The following TOP1 variants were observed in gnomAD, a reference collection of about 807,000 sequenced individuals.
TOP1 encodes the protein DNA topoisomerase 1.
Under a neutral mutation model 111.1 loss-of-function variants are expected in TOP1, and 10 were observed. The observed-to-expected ratio is 0.09, with a 90% CI of 0.06 to 0.15. The LOEUF is 0.15. Among genes scored for constraint, TOP1 ranks in the 10% least tolerant of loss-of-function variants. TOP1 has a pLI of 1.00. For synonymous variants in TOP1, 271 were observed against 302.9 expected (o/e 0.89, Z 1.10); for missense variants, 474 against 926.7 (o/e 0.51, Z 6.34).
chr20:41,088,358 T>C (rs1037136256), intron 8 of TOP1, among the ~76,000 whole-genome samples: 1 of 151,800 alleles, frequency 6.6e-6, no homozygotes. Context: ...CAAAATTAGC[T>C]GGGCGTGGTG....
Position 41,089,078 on chromosome 20 carries a change from G to A in TOP1, c.615-3394G>A, listed in dbSNP as rs370770199. ...CTCGCTCTGTCGCCCAGGTTGGAGTGCAGTGGTGTGATCTCAGTTCACTGC... is the reference window on the plus strand; with the variant it reads ...CTCGCTCTGTCGCCCAGGTTGGAGTACAGTGGTGTGATCTCAGTTCACTGC... On this transcript the variant is annotated intron_variant, in intron 8 of 20. Coordinates refer to ENST00000361337, the MANE Select transcript of TOP1 (RefSeq NM_003286.4). 3.6e-4 allele frequency among the ~76,000 whole-genome samples: 47 copies of A among 130,852 alleles called. No individual in the cohort carries two copies. In the East Asian group the frequency reaches 7.2e-3, roughly 20 times the overall value. The allele number at this position is 130,852 out of a possible 152,430, so 85.8% of individuals were successfully genotyped here.
chr20:41,042,076 A>AT (rs2033273975), intron 2 of TOP1, among the ~76,000 whole-genome samples: 1 of 151,966 alleles, frequency 6.6e-6, no homozygotes, highest in South Asian at 2.1e-4. Context: ...CACCTGGCTA[A>AT]TTTTTGTATT....
chr20:41,090,335 A>AT (rs1235246283), intron 8 of TOP1, among the ~76,000 whole-genome samples: 3 of 151,646 alleles, frequency 2.0e-5, no homozygotes, highest in Non-Finnish European at 4.4e-5. Flanking sequence ...GACTTTGCCC[A>AT]TTTTTTTAAT....
At chr20:41,068,244 C>T (rs2033630203) in intron 3 of TOP1, among the ~76,000 whole-genome samples, 1 of 152,208 alleles carries the variant, frequency 6.6e-6, no homozygotes, top group South Asian at 2.1e-4. Flanking sequence ...GTATTAATGT[C>T]ATCAAATTCT....
Position 41,028,831 on chromosome 20 carries a change from A to G in TOP1, c.-237A>G, listed in dbSNP as rs1422848170. 1.9e-6 allele frequency: 1 copy of G among 523,982 alleles called. No individual in the cohort carries two copies. Among genetic ancestry groups the G allele is most frequent in the African/African-American group, 2.0e-5 (1 of 49,166 alleles). The allele number at this position is 523,982 out of a possible 1,614,324, so 32.5% of individuals were successfully genotyped here. On this transcript the variant is annotated 5_prime_UTR_variant, in exon 1 of 21. Coordinates refer to ENST00000361337, the MANE Select transcript of TOP1 (RefSeq NM_003286.4). ...GCAGGCGCAGTGAGCCCAAATGCGA[A>G]CTTAGGCTGTTACACAACTGCTGGG...
rs1249286391 is a variant in TOP1 at position 41,060,484 on chromosome 20, C to T, written c.59-910C>T. Among the ~76,000 whole-genome samples, 5 of 152,194 alleles carry T rather than the reference C, an allele frequency of 3.3e-5. No individual in the cohort carries two copies. In the East Asian group the frequency reaches 9.6e-4, roughly 29 times the overall value. On this transcript the variant is annotated intron_variant, in intron 2 of 20. Coordinates refer to ENST00000361337, the MANE Select transcript of TOP1 (RefSeq NM_003286.4). ...AATATACAGCACGATCAGATCAGTG[C>T]TTCCTTTGGGCAAGGGGTGGAAGAT...
chr20:41,036,275 A>T (rs1600551002), intron 2 of TOP1, among the ~76,000 whole-genome samples: 2 of 152,308 alleles, frequency 1.3e-5, no homozygotes, highest in African/African-American at 4.8e-5. Context: ...TGTTAGAGAT[A>T]GCTTGGACCC....
rs1346711866 is a variant in TOP1, at chr20:41,046,033, G to C, written c.59-15361G>C. On this transcript the variant is annotated intron_variant, in intron 2 of 20. Coordinates refer to ENST00000361337, the MANE Select transcript of TOP1 (RefSeq NM_003286.4). This position sits in a 1 kb window ranked among gnomAD's most constrained non-coding sequence, Gnocchi z 4.3. ...TATAAGGTCTTAGATACCAACTTGA[G>C]TAAATTGCTTAAGGACTGGGAATAG... is the stretch of plus-strand genomic sequence containing the variant. Among the ~76,000 whole-genome samples the C allele has an allele frequency of 6.6e-6, 1 of 152,220 alleles. No individual in the cohort carries two copies. The highest frequency in any genetic ancestry group is 1.5e-5 in the Non-Finnish European group (1 of 68,038).
rs111905284 is a variant in TOP1 at position 41,092,097 on chromosome 20, G to C, written c.615-375G>C. Among the ~76,000 whole-genome samples the C allele has an allele frequency of 1.3e-5, 2 of 152,244 alleles. No individual in the cohort carries two copies. The highest frequency in any genetic ancestry group is 4.8e-5 in the African/African-American group (2 of 41,536). The stretch of plus-strand genomic sequence containing the variant: ...CCATCTGACGTCACCACTCTGAGGA[G>C]GCCTTTTCCTTACAAACAATGTAAA... On this transcript the variant is annotated intron_variant, in intron 8 of 20. Transcript: ENST00000361337. The surrounding 1 kb of genome is among the most constrained non-coding windows in gnomAD (Gnocchi z 4.3).
intron 3 of TOP1, chr20:41,072,844 A>ATCTG: frequency 1.0e-6 from 1 of 985,430 alleles, no homozygotes; most frequent in South Asian, 4.7e-5. Flanking sequence ...ACCCTCAATC[A>ATCTG]TCTGTATTCA....
rs551069163 is a variant in TOP1, at chr20:41,110,008, A to G, written c.1309-2774A>G. ...AATCTTAAAAACATGGTTAAGGGCC[A>G]GGTGCGGTTGGTGCATGCCTGTAAT... On this transcript the variant is annotated intron_variant, in intron 13 of 20. Coordinates refer to ENST00000361337, the MANE Select transcript of TOP1 (RefSeq NM_003286.4). The surrounding 1 kb of genome is among the most constrained non-coding windows in gnomAD (Gnocchi z 4.2). Among the ~76,000 whole-genome samples, 128 of 152,364 alleles carry G rather than the reference A, an allele frequency of 8.4e-4. No individual in the cohort carries two copies. Among genetic ancestry groups the G allele is most frequent in the African/African-American group, 3.0e-3 (125 of 41,590 alleles).
rs2034365886 is a variant in TOP1, at chr20:41,118,289, A to T, written c.1943A>T (p.Gln648Leu). The T allele has an allele frequency of 6.2e-7, 1 of 1,613,998 alleles. No individual in the cohort carries two copies. The highest frequency in any genetic ancestry group is 1.3e-5 in the African/African-American group (1 of 74,928). The change falls in exon 18 of 21, where the codon CAA (glutamine) becomes CTA (leucine). Residue 648 changes from glutamine to leucine, a missense_variant. By Grantham distance (113) the Gln-to-Leu change is moderately radical. Transcript: ENST00000361337. This position sits in a 1 kb window ranked among gnomAD's most constrained non-coding sequence, Gnocchi z 4.6. ...KTFEKSMMNL[Q>L]TKIDAKKEQL... Reference sequence around the variant, plus strand: ...TTTGAGAAGTCTATGATGAACTTGCAAACTAAGGTATCTTGGATAAAATGA... The same window carrying T: ...TTTGAGAAGTCTATGATGAACTTGCTAACTAAGGTATCTTGGATAAAATGA...
At position 41,082,490 on chromosome 20, in the gene TOP1, G is replaced by A. The variant is rs966547831; in HGVS notation, c.507+1250G>A. Among the ~76,000 whole-genome samples the A allele has an allele frequency of 6.6e-6, 1 of 152,202 alleles. No homozygotes were observed. The highest frequency in any genetic ancestry group is 2.4e-5 in the African/African-American group (1 of 41,450). Reference sequence around the variant, plus strand: ...GCCAGCATTTGATCCCATGCAGTCTGACTTCAGTGCCAGCACACCAGCTAC... The same window carrying A: ...GCCAGCATTTGATCCCATGCAGTCTAACTTCAGTGCCAGCACACCAGCTAC... On this transcript the variant is annotated intron_variant, in intron 7 of 20. Transcript: ENST00000361337. This position sits in a 1 kb window ranked among gnomAD's most constrained non-coding sequence, Gnocchi z 4.1.
At position 41,053,178 on chromosome 20, in the gene TOP1, C is replaced by T. The variant is rs187241436; in HGVS notation, c.59-8216C>T. Among the ~76,000 whole-genome samples the T allele has an allele frequency of 9.8e-5, 15 of 152,288 alleles. No homozygotes were observed. The East Asian group carries it at 2.9e-3, about 29-fold the overall frequency. ...AATTTTTCAGCAATGATAGTAATAG[C>T]TGGCTGTTGCAACTCATTTCTTGCT... On this transcript the variant is annotated intron_variant, in intron 2 of 20. Coordinates refer to ENST00000361337, the MANE Select transcript of TOP1 (RefSeq NM_003286.4).
chr20:41,062,870 T>G (rs961192638), intron 3 of TOP1, among the ~76,000 whole-genome samples: 13 of 152,202 alleles, frequency 8.5e-5, no homozygotes, highest in Non-Finnish European at 1.2e-4. Context: ...TAATCGACAT[T>G]TATAGGTTTT....
rs1568666679 is a variant in TOP1, at chr20:41,029,396, CTGT to C, written c.34-30_34-28del. 1 of 1,455,198 alleles carries C rather than the reference CTGT, an allele frequency of 6.9e-7. No homozygotes were observed. The highest frequency in any genetic ancestry group is 2.6e-5 in the Admixed American group (1 of 38,150). 90.1% of individuals were successfully genotyped at this position (1,455,198 alleles called of 1,614,324 possible). A position where few individuals can be genotyped will look rare whatever the true frequency, so the allele number is the denominator to read the frequency against. On this transcript the variant is annotated intron_variant, in intron 1 of 20. Transcript: ENST00000361337. The surrounding 1 kb of genome is among the most constrained non-coding windows in gnomAD (Gnocchi z 6.1). ...CTCGCCGCCGGAGGGGTTAAAGTGG[CTGT>C]TGTTTGATATTCTCTCCTTTTCTTT...
At position 41,110,969 on chromosome 20, in the gene TOP1, G is replaced by A. The variant is rs2034228134; in HGVS notation, c.1309-1813G>A. Among the ~76,000 whole-genome samples, 1 of 152,214 alleles carries A rather than the reference G, an allele frequency of 6.6e-6. No homozygotes were observed. Among genetic ancestry groups the A allele is most frequent in the Non-Finnish European group, 1.5e-5 (1 of 68,040 alleles). Reference sequence around the variant, plus strand: ...TTTGAGAGAATCCTAGATCCTTGGTGCAGAAGCCCAGCCAGCCTGTGAAGA... The same window carrying A: ...TTTGAGAGAATCCTAGATCCTTGGTACAGAAGCCCAGCCAGCCTGTGAAGA... On this transcript the variant is annotated intron_variant, in intron 13 of 20. Transcript: ENST00000361337. The surrounding 1 kb of genome is among the most constrained non-coding windows in gnomAD (Gnocchi z 4.2).
rs2033997357 is a variant in TOP1, at chr20:41,097,446, G to A, written c.852+105G>A. On this transcript the variant is annotated intron_variant, in intron 10 of 20. Coordinates refer to ENST00000361337, the MANE Select transcript of TOP1 (RefSeq NM_003286.4). This position sits in a 1 kb window ranked among gnomAD's most constrained non-coding sequence, Gnocchi z 4.2. ...CATTTCCTGATGTAAAATTTGAGTT[G>A]TATGGATTTTGTTGTATTTAAACTT... 8.2e-7 allele frequency: 1 copy of A among 1,221,262 alleles called. No homozygotes were observed. Among genetic ancestry groups the A allele is most frequent in the Non-Finnish European group, 1.1e-6 (1 of 883,904 alleles). 75.7% of individuals were successfully genotyped at this position (1,221,262 alleles called of 1,614,324 possible). A position where few individuals can be genotyped will look rare whatever the true frequency, so the allele number is the denominator to read the frequency against.
intron 2 of TOP1, among the ~76,000 whole-genome samples, chr20:41,041,814 A>T (rs1189467942): frequency 6.6e-6 from 1 of 152,166 alleles, no homozygotes; most frequent in African/African-American, 2.4e-5. Context: ...TTACTATCTT[A>T]TTTGGCTAAA....
Sources: allele counts gnomAD v4.1 joint callset (sites outside exome capture counted in the v4.1 genomes callset), GRCh38; gene constraint gnomAD v4.1.1; non-coding constraint Gnocchi (gnomAD v3.1); transcripts MANE v1.5; gene names NCBI Gene and HGNC (gene_info 2026-07-23, HGNC 2026-07-21).